ACACB: variants seen among roughly 807,000 people sequenced by gnomAD.
ACACB encodes the protein acetyl-CoA carboxylase beta.
In ACACB, 209 loss-of-function variants were observed where a neutral mutation model predicts 278.8. The ratio of observed to expected loss-of-function variants is 0.75; its 90% CI spans 0.67 to 0.84. The LOEUF (loss-of-function observed/expected upper bound fraction) is 0.84, where lower values mean the gene tolerates loss of function less well. Ranked by LOEUF, ACACB falls within the 40% of genes least tolerant of loss-of-function variation. The probability of loss-of-function intolerance (pLI) is 0.00; values close to 1 mark genes in which losing one functional copy is unlikely to be tolerated. For missense variants in ACACB, 2,850 were observed against 3,269.0 expected (o/e 0.87, Z 3.13); for synonymous variants, 1,174 against 1,285.6 (o/e 0.91, Z 1.86).
chr12:109,209,092 G>C (rs985559831), intron 20 of ACACB, 73 bp from the exon 21 acceptor site: 57 of 1,478,430 alleles, frequency 3.9e-5, no homozygotes, highest in Non-Finnish European at 5.1e-5. Context: ...GAGCTGTGTT[G>C]GGTGCCCTGT....
chr12:109,167,845 C>G, intron 3 of ACACB, 51 bp from the exon 4 acceptor site: 2 of 1,612,644 alleles, frequency 1.2e-6, no homozygotes, highest in South Asian at 2.2e-5. Context: ...CACGTGGCCC[C>G]CAGCGCAGGT....
intron 42 of ACACB, among the ~76,000 whole-genome samples, 169 bp from the exon 43 acceptor site, chr12:109,252,846 G>A (rs1457049600): frequency 6.6e-6 from 1 of 152,166 alleles, no homozygotes; most frequent in Non-Finnish European, 1.5e-5. Context: ...CTAATTCCTC[G>A]AAGATTCTGA....
At chr12:109,215,499 C>G (rs1486510680) in intron 22 of ACACB, among the ~76,000 whole-genome samples, 1 of 152,134 alleles carries the variant, frequency 6.6e-6, no homozygotes, top group Non-Finnish European at 1.5e-5. Flanking sequence ...CGCGGTGGCT[C>G]ATGCCTGTAA....
chr12:109,114,678 TA>T (rs201717578), upstream of ACACB, among the ~76,000 whole-genome samples: 30 of 148,860 alleles, frequency 2.0e-4, no homozygotes, highest in African/African-American at 2.7e-4. Context: ...ACCTTGTCTT[TA>T]AAAAAAAAAA....
In ACACB at chr12:109,254,304, C is replaced by T. The variant is rs756072465; in HGVS notation, c.6136C>T (p.Arg2046Trp). 34 of 1,612,204 alleles carry T rather than the reference C, an allele frequency of 2.1e-5. No homozygotes were observed. Among genetic ancestry groups the T allele is most frequent in the South Asian group, 1.2e-4 (11 of 90,952 alleles). The change falls in exon 44 of 53, where the codon CGG becomes TGG. Residue 2046 changes from arginine (R) to tryptophan (W), a missense_variant. Coordinates refer to ENST00000338432, the MANE Select transcript of ACACB (RefSeq NM_001093.4). Reference protein sequence around the residue: ...FLPSRAPYDPRWMLAGRPHPT... With the variant: ...FLPSRAPYDPWWMLAGRPHPT... ...CCCATCCAGAGCTCCCTACGACCCC[C>T]GGTGGATGCTTGCAGGAAGGCCTCA...
chr12:109,200,588 A>C (rs2045302507), intron 18 of ACACB, among the ~76,000 whole-genome samples: 1 of 152,112 alleles, frequency 6.6e-6, no homozygotes, highest in Admixed American at 6.6e-5. Flanking sequence ...CAAAGCCATA[A>C]CCATGTGGCA....
At chr12:109,248,429 G>A (rs894924882) in intron 40 of ACACB, among the ~76,000 whole-genome samples, 12 of 152,292 alleles carry the variant, frequency 7.9e-5, no homozygotes, top group Admixed American at 5.2e-4. Flanking sequence ...GTAGTGGCTC[G>A]GTCTGAGTCT....
intron 2 of ACACB, 26 bp from the exon 3 acceptor site, chr12:109,166,835 G>A (rs766360223): frequency 1.1e-5 from 17 of 1,613,616 alleles, no homozygotes; most frequent in African/African-American, 6.7e-5. Flanking sequence ...CCTCATGCAC[G>A]TCTGTCCCTC....
At position 109,139,586 on chromosome 12, in the gene ACACB, A is replaced by G; in HGVS notation, c.181A>G (p.Asn61Asp). Residue 61 changes from asparagine (N) to aspartate (D), a missense_variant, in exon 2 of 53, where the codon AAT (asparagine) becomes GAT (aspartate). Asn to Asp is a conservative substitution (Grantham distance 23). This residue lies in a region of ACACB where 2,265 missense variants were observed against 2,561.3 expected (regional missense o/e 0.88). Coordinates refer to ENST00000338432, the MANE Select transcript of ACACB (RefSeq NM_001093.4). The stretch of plus-strand genomic sequence containing the variant: ...TAACTCAGGGGAGACACCGCAGAGA[A>G]ATGGGGAGGGCCACACTCTGCCCAA... ...SDNSGETPQRNGEGHTLPKTP... is the reference protein window; with the variant it reads ...SDNSGETPQRDGEGHTLPKTP... 1.9e-6 allele frequency: 3 copies of G among 1,614,086 alleles called. No individual in the cohort carries two copies. Among genetic ancestry groups the G allele is most frequent in the Non-Finnish European group, 2.5e-6 (3 of 1,180,004 alleles).
chr12:109,250,077 T>C lies in ACACB; in HGVS notation c.5763T>C (p.Ala1921=). ...SGMIAGESSL[A]YEEIVTISLV... ...TGATTGCTGGGGAGTCCTCTCTGGC[T>C]TACGAAGAGATCGTCACCATTAGCT... Residue 1921 remains alanine, a synonymous_variant, in exon 41 of 53, where the codon GCT becomes GCC. Transcript: ENST00000338432. The C allele has an allele frequency of 6.2e-7, 1 of 1,612,810 alleles. No homozygotes were observed. Among genetic ancestry groups the C allele is most frequent in the South Asian group, 1.1e-5 (1 of 90,786 alleles).
intron 28 of ACACB, among the ~76,000 whole-genome samples, chr12:109,228,923 G>A (rs2046394021): frequency 6.6e-6 from 1 of 151,988 alleles, no homozygotes; most frequent in Non-Finnish European, 1.5e-5. Context: ...GCATGCCATT[G>A]GCCTGGGCAC....
intron 21 of ACACB, among the ~76,000 whole-genome samples, chr12:109,210,948 T>TAA (rs1349806031): frequency 1.0e-3 from 146 of 142,626 alleles, no homozygotes; most frequent in African/African-American, 2.4e-3. Flanking sequence ...GTGAACATGT[T>TAA]AAAAAAAAAA....
intron 2 of ACACB, among the ~76,000 whole-genome samples, chr12:109,154,353 G>C (rs1245353301): frequency 6.6e-6 from 1 of 152,212 alleles, no homozygotes; most frequent in Non-Finnish European, 1.5e-5. Flanking sequence ...GACTTTTAAC[G>C]GGCACAGTGG....
chr12:109,145,623 A>G (rs1324441102), intron 2 of ACACB, among the ~76,000 whole-genome samples: 2 of 152,180 alleles, frequency 1.3e-5, no homozygotes. Context: ...GCACTGAGGA[A>G]AGGAAGCCTG....
chr12:109,184,294 C>T (rs1352917901), intron 11 of ACACB, among the ~76,000 whole-genome samples: 1 of 152,134 alleles, frequency 6.6e-6, no homozygotes, highest in Admixed American at 6.6e-5. Context: ...CTCAACTGAT[C>T]AGCCCACCTC....
At chr12:109,216,970 A>G in intron 24 of ACACB, 50 bp downstream of exon 24, 2 of 1,588,380 alleles carry the variant, frequency 1.3e-6, no homozygotes, top group Non-Finnish European at 1.7e-6. Context: ...TCAGGAGTCC[A>G]CAAACGTTTT....
intron 12 of ACACB, among the ~76,000 whole-genome samples, chr12:109,186,874 G>A (rs1027383378): frequency 6.6e-5 from 10 of 152,094 alleles, no homozygotes; most frequent in South Asian, 4.1e-4. Context: ...CACTTGGGTC[G>A]CTCCATCTCT....
intron 1 of ACACB, among the ~76,000 whole-genome samples, chr12:109,138,420 G>T (rs1477599123): frequency 6.6e-6 from 1 of 152,142 alleles, no homozygotes; most frequent in African/African-American, 2.4e-5. Flanking sequence ...CTAGTTGTAA[G>T]CATACCCCAC....
intron 26 of ACACB, 144 bp from the exon 27 acceptor site, chr12:109,223,671 G>A (rs1565943485): frequency 1.4e-6 from 1 of 730,124 alleles, no homozygotes; most frequent in Non-Finnish European, 2.4e-6. Context: ...TTGAGGTGGG[G>A]AGATCGCTTC....
Sources: gnomAD v4.1 joint callset for allele counts (sites outside exome capture counted in the v4.1 genomes callset) on GRCh38, gnomAD v4.1.1 for gene constraint, gnomAD v4.1.1 regional missense constraint, MANE v1.5 for transcripts, NCBI Gene and HGNC (gene_info 2026-07-23, HGNC 2026-07-21) for gene names.